Variants in HIP1 observed in about 807,000 individuals in gnomAD.
The protein encoded by HIP1 is huntingtin-interacting protein 1.
A neutral mutation model predicts 147.6 loss-of-function variants in HIP1; 65 were observed. The observed-to-expected ratio is 0.44, with a 90% CI of 0.36 to 0.54. The LOEUF (loss-of-function observed/expected upper bound fraction) is 0.54, where lower values mean the gene tolerates loss of function less well. HIP1 is among the 20% of genes least tolerant of loss of function. The pLI is 0.00. For synonymous variants in HIP1, 479 were observed against 504.0 expected (o/e 0.95, Z 0.67); for missense variants, 1,061 against 1,299.6 (o/e 0.82, Z 2.82).
At chr7:75,571,220 C>T (rs1795620141) in intron 8 of HIP1, among the ~76,000 whole-genome samples, 1 of 152,082 alleles carries the variant, frequency 6.6e-6, no homozygotes, top group Admixed American at 6.6e-5. Context: ...CACCACCATG[C>T]CCAGCTTAAC....
At chr7:75,583,415 T>G (rs1796130541) in intron 5 of HIP1, among the ~76,000 whole-genome samples, 2 of 152,158 alleles carry the variant, frequency 1.3e-5, no homozygotes, top group Non-Finnish European at 2.9e-5. Context: ...GCTCGGGCAG[T>G]TATAACAAGA....
chr7:75,568,960 G>C lies in HIP1; in HGVS notation c.746-704C>G, dbSNP rs1795511529. ...GCAGGCGGAAGTTGCAGTGAGCTGAGATTGCACCACTGCACTCCAGCCTGG... is the reference window on the plus strand; with the variant it reads ...GCAGGCGGAAGTTGCAGTGAGCTGACATTGCACCACTGCACTCCAGCCTGG... On this transcript the variant is annotated intron_variant, in intron 8 of 30. Transcript: ENST00000336926. The surrounding 1 kb of genome is among the most constrained non-coding windows in gnomAD (Gnocchi z 4.1). 6.6e-6 allele frequency among the ~76,000 whole-genome samples: 1 copy of C among 152,208 alleles called. No homozygotes were observed. The highest frequency in any genetic ancestry group is 1.5e-5 in the Non-Finnish European group (1 of 68,030).
chr7:75,595,251 T>TTTCTTCCTTCCTTC, intron 2 of HIP1, among the ~76,000 whole-genome samples: 1 of 59,504 alleles, frequency 1.7e-5, no homozygotes, highest in Admixed American at 1.8e-4. Flanking sequence ...TTTCTTTCTT[T>TTTCTTCCTTCCTTC]CTTCCTTCCT....
intron 1 of HIP1, among the ~76,000 whole-genome samples, chr7:75,696,487 T>C (rs1800637013): frequency 6.7e-6 from 1 of 149,136 alleles, no homozygotes; most frequent in Non-Finnish European, 1.5e-5. Flanking sequence ...TTCCTTTCCT[T>C]TCCTTCTTTC....
rs180881985 is a variant in HIP1, at chr7:75,556,149, G to A, written c.1704C>T (p.Ala568=). 1.0e-4 allele frequency: 163 copies of A among 1,614,096 alleles called. No homozygotes were observed. The East Asian group carries it at 3.4e-3, about 34-fold the overall frequency. The change falls in exon 18 of 31, where the codon GCC becomes GCT. Residue 568 remains alanine, a synonymous_variant. Transcript: ENST00000336926. Reference sequence around the variant, plus strand: ...GCTCCTTCTCTAGCTCGGCGAACTCGGCTGCCCAGTTTGCTTCTGACTGCA... The same window carrying A: ...GCTCCTTCTCTAGCTCGGCGAACTCAGCTGCCCAGTTTGCTTCTGACTGCA... ...TSAQSEANWA[A]EFAELEKERD...
chr7:75,694,274 C>T (rs760246541), intron 1 of HIP1, among the ~76,000 whole-genome samples: 16 of 152,000 alleles, frequency 1.1e-4, no homozygotes, highest in Non-Finnish European at 1.5e-4. Context: ...CTTCTGGAAT[C>T]CCCTCATTAA....
Position 75,738,907 on chromosome 7 carries a change from G to A in HIP1, c.14C>T (p.Ala5Val), listed in dbSNP as rs868993207. Residue 5 changes from alanine (A) to valine (V), a missense_variant, in exon 1 of 31, where the codon GCC (alanine) becomes GTC (valine). By Grantham distance (64) the Ala-to-Val change is moderately conservative (BLOSUM62 0). Around this residue, in one of 3 missense-constraint regions of HIP1, gnomAD observed 225 missense variants for 292.9 expected, o/e 0.77. Coordinates refer to ENST00000336926, the MANE Select transcript of HIP1 (RefSeq NM_005338.7). MDRMASSMKQVPNPL... is the reference protein window; with the variant it reads MDRMVSSMKQVPNPL... ...GTTGGGCACCTGCTTCATGGAGCTG[G>A]CCATCCGATCCATGTCGCCGCGAGG... is the stretch of plus-strand genomic sequence containing the variant. 1.3e-6 allele frequency: 2 copies of A among 1,554,138 alleles called. No individual in the cohort carries two copies. The highest frequency in any genetic ancestry group is 1.2e-5 in the South Asian group (1 of 84,792).
intron 1 of HIP1, among the ~76,000 whole-genome samples, chr7:75,602,457 C>T (rs1797033350): frequency 6.7e-6 from 1 of 149,374 alleles, no homozygotes; most frequent in Non-Finnish European, 1.5e-5. Flanking sequence ...CACACTGCCA[C>T]ATCCAGCTGC....
chr7:75,667,578 T>C (rs1250675382), intron 1 of HIP1, among the ~76,000 whole-genome samples: 6 of 152,198 alleles, frequency 3.9e-5, no homozygotes, highest in Non-Finnish European at 7.3e-5. Flanking sequence ...CTTGAGCTCC[T>C]GGGCTCAGGT....
intron 8 of HIP1, among the ~76,000 whole-genome samples, chr7:75,572,578 C>G (rs1160211052): frequency 6.6e-6 from 1 of 152,212 alleles, no homozygotes; most frequent in South Asian, 2.1e-4. Context: ...TCCAGATGGC[C>G]TGCCACTGCC....
intron 4 of HIP1, 152 bp from the exon 5 acceptor site, chr7:75,586,985 G>C: frequency 1.6e-6 from 1 of 619,410 alleles, no homozygotes. Flanking sequence ...CTGTTGCCCA[G>C]GCTGGAGTGC....
At chr7:75,572,217 C>T (rs1448300428) in intron 8 of HIP1, among the ~76,000 whole-genome samples, 1 of 140,862 alleles carries the variant, frequency 7.1e-6, no homozygotes, top group Non-Finnish European at 1.5e-5. Context: ...GAGTGAGACT[C>T]TGTCTCAGAA....
rs1554494206 is a variant in HIP1, at chr7:75,559,835, C to T, written c.1272G>A (p.Gln424=). Residue 424 remains glutamine (Q), a synonymous_variant, in exon 14 of 31, where the codon CAG becomes CAA. Transcript: ENST00000336926. The part of the protein sequence containing the change: ...ADLAEQQHLR[Q]QAADDCEFLR... ...GGAATTCACAGTCGTCGGCCGCCTG[C>T]TGCCGCAGGTGCTGCTGCTCGGCCA... 1.2e-6 allele frequency: 2 copies of T among 1,612,926 alleles called. No homozygotes were observed. Among genetic ancestry groups the T allele is most frequent in the Admixed American group, 1.7e-5 (1 of 60,020 alleles).
intron 1 of HIP1, among the ~76,000 whole-genome samples, chr7:75,726,433 GCCA>G (rs1398345597): frequency 6.6e-6 from 1 of 151,982 alleles, no homozygotes; most frequent in Non-Finnish European, 1.5e-5. Flanking sequence ...ACAGGCACAT[GCCA>G]CCACACCTGG....
intron 1 of HIP1, chr7:75,611,655 G>A: frequency 9.8e-7 from 1 of 1,021,162 alleles, no homozygotes; most frequent in African/African-American, 1.7e-5. Context: ...GTGCGGGGCT[G>A]GGTGTCTCAC....
intron 1 of HIP1, among the ~76,000 whole-genome samples, chr7:75,720,143 T>C (rs1801454759): frequency 6.6e-6 from 1 of 151,922 alleles, no homozygotes; most frequent in African/African-American, 2.4e-5. Flanking sequence ...GTTTTTTGTT[T>C]TGTTTTGTTT....
intron 1 of HIP1, among the ~76,000 whole-genome samples, chr7:75,733,976 TG>T (rs1253525013): frequency 1.3e-5 from 2 of 151,942 alleles, no homozygotes; most frequent in Non-Finnish European, 1.5e-5. Flanking sequence ...CCAGGAACGA[TG>T]GCTTATACCT....
At chr7:75,546,434 G>T (rs587634119) in intron 25 of HIP1, among the ~76,000 whole-genome samples, 1 of 152,172 alleles carries the variant, frequency 6.6e-6, no homozygotes, top group African/African-American at 2.4e-5. Context: ...CTCCCGAGCT[G>T]CGGCGGCATA....
intron 9 of HIP1, among the ~76,000 whole-genome samples, chr7:75,566,848 A>G (rs587671378): frequency 6.6e-6 from 1 of 151,504 alleles, no homozygotes; most frequent in South Asian, 2.1e-4. Context: ...GGGGCTGGGC[A>G]CAGTGACTCG....
Sources: allele counts gnomAD v4.1 joint callset (sites outside exome capture counted in the v4.1 genomes callset), GRCh38; gene constraint gnomAD v4.1.1; regional missense constraint gnomAD v4.1.1; non-coding constraint Gnocchi (gnomAD v3.1); transcripts MANE v1.5; gene names NCBI Gene and HGNC (gene_info 2026-07-23, HGNC 2026-07-21).